The following PTPN13 variants were observed in gnomAD, a reference collection of about 807,000 sequenced individuals.
PTPN13 encodes tyrosine-protein phosphatase non-receptor type 13.
Under a neutral mutation model 284.0 loss-of-function variants are expected in PTPN13, and 191 were observed. That is an observed-to-expected ratio of 0.67 (90% confidence interval 0.60 to 0.76). The LOEUF (loss-of-function observed/expected upper bound fraction) is 0.76, where lower values mean the gene tolerates loss of function less well. Ranked by LOEUF, PTPN13 falls within the 30% of genes least tolerant of loss-of-function variation. The pLI, the probability that PTPN13 is intolerant of heterozygous loss-of-function variation, is 0.00. For missense variants in PTPN13, 2,797 were observed against 2,939.9 expected (o/e 0.95, Z 1.12); for synonymous variants, 986 against 1,022.3 (o/e 0.96, Z 0.68).
intron 9 of PTPN13, 87 bp downstream of exon 9, chr4:86,717,204 T>C (rs1026209070): frequency 6.0e-6 from 6 of 995,002 alleles, no homozygotes; most frequent in Non-Finnish European, 8.9e-6. Context: ...TTTTTTTTTT[T>C]TTGAGACGGA....
At chr4:86,600,250 C>G (rs1286325814) in intron 1 of PTPN13, among the ~76,000 whole-genome samples, 1 of 151,996 alleles carries the variant, frequency 6.6e-6, no homozygotes, top group East Asian at 1.9e-4. Flanking sequence ...ACTACTGATG[C>G]ACAGCTTACA....
Position 86,728,942 on chromosome 4 carries a change from G to T in PTPN13, c.1609-3458G>T, listed in dbSNP as rs1007779080. On this transcript the variant is annotated intron_variant, in intron 10 of 47. Coordinates refer to ENST00000411767, the MANE Select transcript of PTPN13 (RefSeq NM_080683.3). ...AGGCAGTTTCTTCCTAGCATCGATG[G>T]TCTTTACAATTTGGCATGTTTTTGC... Among the ~76,000 whole-genome samples the T allele has an allele frequency of 2.0e-5, 3 of 148,404 alleles. 1 individual carries two copies. The highest frequency in any genetic ancestry group is 4.9e-5 in the African/African-American group (2 of 40,660).
At position 86,805,344 on chromosome 4, in the gene PTPN13, G is replaced by A; in HGVS notation, c.6720G>A (p.Lys2240=). The change falls in exon 44 of 48, where the codon AAG becomes AAA. Residue 2240 remains lysine, a synonymous_variant. Transcript: ENST00000411767. ...GGCAAACTAAGGAAAACAGAAGGAA[G>A]AACAGATATAAAAATATACTTCCCT... ...LIGQTKENRR[K]NRYKNILPYD... is the part of the protein sequence containing the mutation. 3 of 1,595,586 alleles carry A rather than the reference G, an allele frequency of 1.9e-6. No individual in the cohort carries two copies. The highest frequency in any genetic ancestry group is 2.6e-6 in the Non-Finnish European group (3 of 1,165,318).
chr4:86,745,181 GC>G, intron 17 of PTPN13, 53 bp downstream of exon 17: 5 of 1,525,032 alleles, frequency 3.3e-6, no homozygotes, highest in Non-Finnish European at 4.4e-6. Context: ...AATAATTTTT[GC>G]CACCAAGTTT....
At chr4:86,800,601 G>A (rs964711786) in intron 42 of PTPN13, among the ~76,000 whole-genome samples, 9 of 151,504 alleles carry the variant, frequency 5.9e-5, no homozygotes, top group Admixed American at 2.0e-4. Flanking sequence ...GCAATGAGCC[G>A]AGATTGCGTC....
chr4:86,734,819 T>G lies in PTPN13; in HGVS notation c.2095T>G (p.Ser699Ala). Residue 699 changes from serine to alanine, a missense_variant, in exon 14 of 48, where the codon TCC (serine) becomes GCC (alanine). Transcript: ENST00000411767. ...AAGGATGCACTGTGATGATGAGACTTCCTTATTGCTGGCATCCTTGGCTCT... is the reference window on the plus strand; with the variant it reads ...AAGGATGCACTGTGATGATGAGACTGCCTTATTGCTGGCATCCTTGGCTCT... Reference protein sequence around the residue: ...EERMHCDDETSLLLASLALQA... With the variant: ...EERMHCDDETALLLASLALQA... 6.2e-7 allele frequency: 1 copy of G among 1,613,474 alleles called. No homozygotes were observed. The highest frequency in any genetic ancestry group is 8.5e-7 in the Non-Finnish European group (1 of 1,179,546).
chr4:86,752,251 C>T (rs1484421974), intron 19 of PTPN13, among the ~76,000 whole-genome samples: 2 of 152,056 alleles, frequency 1.3e-5, no homozygotes, highest in African/African-American at 2.4e-5. Context: ...TCTAATTACC[C>T]AAAGTTTAAA....
At chr4:86,674,747 G>A (rs1171877093) in intron 3 of PTPN13, among the ~76,000 whole-genome samples, 2 of 152,108 alleles carry the variant, frequency 1.3e-5, no homozygotes, top group Admixed American at 6.5e-5. Flanking sequence ...TGTATGTTAC[G>A]GAGTAGATAT....
In PTPN13 at chr4:86,672,423, G is replaced by A. The variant is rs530397884; in HGVS notation, c.174G>A (p.Leu58=). ...TCATTTCTCCATGGTCTCTGCTGTTGCTGCCATCTGGTAGTGTGTCATTTA... is the reference window on the plus strand; with the variant it reads ...TCATTTCTCCATGGTCTCTGCTGTTACTGCCATCTGGTAGTGTGTCATTTA... ...GFIISPWSLL[L]LPSGSVSFTD... Residue 58 remains leucine, a synonymous_variant, in exon 3 of 48, where the codon TTG becomes TTA. Transcript: ENST00000411767. 6.4e-7 allele frequency: 1 copy of A among 1,562,480 alleles called. No homozygotes were observed. Among genetic ancestry groups the A allele is most frequent in the African/African-American group, 1.4e-5 (1 of 73,798 alleles).
At chr4:86,745,157 C>T (rs775836653) in intron 17 of PTPN13, 29 bp downstream of exon 17, 4 of 1,565,992 alleles carry the variant, frequency 2.6e-6, no homozygotes, top group Non-Finnish European at 3.5e-6. Flanking sequence ...TTTCAGATGA[C>T]TCCTGGGAAT....
chr4:86,813,437 T>TTTGG (rs1565645031), intron 47 of PTPN13, among the ~76,000 whole-genome samples: 1 of 152,190 alleles, frequency 6.6e-6, no homozygotes, highest in African/African-American at 2.4e-5. Flanking sequence ...AGACTTATTT[T>TTTGG]TTGGTTTGTT....
At chr4:86,661,604 A>T (rs1726495564) in intron 2 of PTPN13, among the ~76,000 whole-genome samples, 1 of 152,234 alleles carries the variant, frequency 6.6e-6, no homozygotes, top group Non-Finnish European at 1.5e-5. Flanking sequence ...ATAGCAGCAG[A>T]GAATGGCATT....
rs71605611 is a variant in PTPN13 at position 86,713,077 on chromosome 4, C to G, written c.1196-3453C>G. ...CTTAATATGGGGTGTGAAATTGTAA[C>G]AAGGCATAACATCCAAGTGACTAAA... On this transcript the variant is annotated intron_variant, in intron 7 of 47. Coordinates refer to ENST00000411767, the MANE Select transcript of PTPN13 (RefSeq NM_080683.3). Among the ~76,000 whole-genome samples, 3 of 152,080 alleles carry G rather than the reference C, an allele frequency of 2.0e-5. No homozygotes were observed. The East Asian group carries it at 5.8e-4, about 29-fold the overall frequency.
intron 10 of PTPN13, among the ~76,000 whole-genome samples, chr4:86,727,624 AT>A (rs1408904783): frequency 1.3e-5 from 2 of 149,196 alleles, no homozygotes; most frequent in African/African-American, 4.9e-5. Flanking sequence ...GTATTCTCTG[AT>A]GGTAGTTTGT....
chr4:86,800,460 C>G (rs1010148196), intron 42 of PTPN13, among the ~76,000 whole-genome samples: 2 of 151,944 alleles, frequency 1.3e-5, no homozygotes, highest in African/African-American at 4.8e-5. Flanking sequence ...TTCAACCAGC[C>G]TGACCAACAG....
At position 86,772,971 on chromosome 4, in the gene PTPN13, C is replaced by A; in HGVS notation, c.5349+13C>A. On this transcript the variant is annotated intron_variant, in intron 32 of 47. Coordinates refer to ENST00000411767, the MANE Select transcript of PTPN13 (RefSeq NM_080683.3). ...AGACTTTGAACTGGTAAGTTGTTTTCTCTATATTTAAAAAAAAATCCATAT... is the reference window on the plus strand; with the variant it reads ...AGACTTTGAACTGGTAAGTTGTTTTATCTATATTTAAAAAAAAATCCATAT... 1 of 1,503,984 alleles carries A rather than the reference C, an allele frequency of 6.6e-7. No homozygotes were observed. The highest frequency in any genetic ancestry group is 1.3e-5 in the South Asian group (1 of 74,962). The allele number at this position is 1,503,984 out of a possible 1,614,324, so 93.2% of individuals were successfully genotyped here.
intron 23 of PTPN13, among the ~76,000 whole-genome samples, chr4:86,760,221 C>G (rs1738522809): frequency 6.6e-6 from 1 of 152,048 alleles, no homozygotes; most frequent in Non-Finnish European, 1.5e-5. Context: ...TAGAAAACAC[C>G]ACCACTGCCC....
In PTPN13 at chr4:86,701,762, A is replaced by G; in HGVS notation, c.1156A>G (p.Lys386Glu). The G allele has an allele frequency of 6.2e-7, 1 of 1,613,422 alleles. No homozygotes were observed. The highest frequency in any genetic ancestry group is 8.5e-7 in the Non-Finnish European group (1 of 1,179,718). ...TTTGGACCGAATCCGAGAGAGACAAAAGAAACTTCAGGTTCTGAGGGAAGC... is the reference window on the plus strand; with the variant it reads ...TTTGGACCGAATCCGAGAGAGACAAGAGAAACTTCAGGTTCTGAGGGAAGC... ...SALDRIRERQKKLQVLREAMN... is the reference protein window; with the variant it reads ...SALDRIRERQEKLQVLREAMN... The change falls in exon 7 of 48, where the codon AAG becomes GAG. Residue 386 changes from lysine (K) to glutamate (E), a missense_variant. Transcript: ENST00000411767.
intron 7 of PTPN13, among the ~76,000 whole-genome samples, chr4:86,703,039 T>G (rs549308178): frequency 6.6e-6 from 1 of 152,268 alleles, no homozygotes; most frequent in Non-Finnish European, 1.5e-5. Context: ...TGCTGTACTT[T>G]GAGTAAAAGA....
Sources: allele counts gnomAD v4.1 joint callset (sites outside exome capture counted in the v4.1 genomes callset), GRCh38; gene constraint gnomAD v4.1.1; transcripts MANE v1.5; gene names NCBI Gene and HGNC (gene_info 2026-07-23, HGNC 2026-07-21).